Variants in PARD3B observed in about 807,000 individuals in gnomAD.
The protein encoded by PARD3B is partitioning defective 3 homolog B.
In PARD3B, 103 loss-of-function variants were observed where a neutral mutation model predicts 130.2. The ratio of observed to expected loss-of-function variants is 0.79; its 90% confidence interval spans 0.67 to 0.93. The LOEUF is 0.93. Ranked by LOEUF, PARD3B falls within the 40% of genes least tolerant of loss-of-function variation. The pLI, the probability that PARD3B is intolerant of heterozygous loss-of-function variation, is 0.00. For synonymous variants in PARD3B, 583 were observed against 553.2 expected, an observed-to-expected ratio of 1.05 and a Z score of -0.76; for missense variants, 1,609 against 1,499.2, an observed-to-expected ratio of 1.07 and a Z score of -1.21.
intron 15 of PARD3B, among the ~76,000 whole-genome samples, chr2:205,231,585 C>G (rs2038841813): frequency 6.6e-6 from 1 of 151,722 alleles, no homozygotes; most frequent in African/African-American, 2.4e-5. Context: ...GATCCACCTA[C>G]CTTGGCCTCC....
intron 15 of PARD3B, among the ~76,000 whole-genome samples, chr2:205,226,399 A>C (rs982395326): frequency 6.6e-6 from 1 of 152,160 alleles, no homozygotes; most frequent in Non-Finnish European, 1.5e-5. Flanking sequence ...GGTTGCTTGT[A>C]CTTGTGGAGT....
At chr2:205,554,516 A>ATATT (rs1395700592) in intron 22 of PARD3B, among the ~76,000 whole-genome samples, 1 of 152,220 alleles carries the variant, frequency 6.6e-6, no homozygotes, top group East Asian at 1.9e-4. Context: ...TTATAAAGTT[A>ATATT]TATTTTATTT....
At chr2:205,500,883 T>C (rs1249078824) in intron 21 of PARD3B, among the ~76,000 whole-genome samples, 1 of 152,198 alleles carries the variant, frequency 6.6e-6, no homozygotes, top group Non-Finnish European at 1.5e-5. Context: ...TCTAATGATT[T>C]CTGCCTTCTA....
chr2:205,126,752 CAAAAAAAAAAAAAAAAA>C lies in PARD3B; in HGVS notation c.1434+1034_1434+1050del, dbSNP rs4045004. ...TGGGCGACAGAGCGAGACTCCGTCTCAAAAAAAAAAAAAAAAAAAAAAAAAAAAAAAAAAATTGATAA... is the reference window on the plus strand; with the variant it reads ...TGGGCGACAGAGCGAGACTCCGTCTCAAAAAAAAAAAAAAAAAATTGATAA... On this transcript the variant is annotated intron_variant, in intron 10 of 22. Coordinates refer to ENST00000406610, the MANE Select transcript of PARD3B (RefSeq NM_001302769.2). Among the ~76,000 whole-genome samples the C allele has an allele frequency of 3.9e-4, 29 of 74,458 alleles. No individual in the cohort carries two copies. The South Asian group carries it at 5.9e-3, about 15-fold the overall frequency. 48.8% of individuals were successfully genotyped at this position (74,458 alleles called of 152,430 possible).
chr2:204,766,873 C>T (rs1437080244), intron 2 of PARD3B, among the ~76,000 whole-genome samples: 1 of 149,206 alleles, frequency 6.7e-6, no homozygotes, highest in African/African-American at 2.5e-5. Flanking sequence ...AAAATATTAT[C>T]CAGATTCGGT....
intron 3 of PARD3B, among the ~76,000 whole-genome samples, chr2:204,976,603 ATTTTT>A (rs35902126): frequency 3.6e-5 from 3 of 83,200 alleles, no homozygotes; most frequent in Admixed American, 1.5e-4. Context: ...TAGGTAATTG[ATTTTT>A]TTTTTTTTTT....
intron 1 of PARD3B, among the ~76,000 whole-genome samples, chr2:204,584,170 C>T (rs1259415154): frequency 6.6e-6 from 1 of 152,136 alleles, no homozygotes; most frequent in Non-Finnish European, 1.5e-5. Flanking sequence ...ATTCAAATAA[C>T]TGAAAGGAGA....
chr2:205,213,304 C>T (rs2037743314), intron 15 of PARD3B, among the ~76,000 whole-genome samples: 1 of 152,008 alleles, frequency 6.6e-6, no homozygotes, highest in African/African-American at 2.4e-5. Flanking sequence ...AATTGAGATA[C>T]TATATCTTAG....
intron 2 of PARD3B, among the ~76,000 whole-genome samples, chr2:204,789,874 T>TCTTC (rs370867253): frequency 2.9e-5 from 4 of 135,668 alleles, no homozygotes; most frequent in South Asian, 4.5e-4. Flanking sequence ...GTTTTCTTCT[T>TCTTC]TTTTTTTTTT....
intron 1 of PARD3B, among the ~76,000 whole-genome samples, chr2:204,592,295 C>T (rs1327256968): frequency 6.6e-6 from 1 of 152,220 alleles, no homozygotes; most frequent in Non-Finnish European, 1.5e-5. Flanking sequence ...CTACAGTAGT[C>T]TTATGACCTA....
intron 3 of PARD3B, among the ~76,000 whole-genome samples, chr2:204,985,596 G>A (rs529148110): frequency 5.9e-5 from 9 of 152,246 alleles, no homozygotes; most frequent in East Asian, 1.9e-4. Flanking sequence ...TACTGAAACC[G>A]AACTGAGCAT....
At chr2:205,259,858 G>C (rs1041420479) in intron 16 of PARD3B, among the ~76,000 whole-genome samples, 2 of 152,086 alleles carry the variant, frequency 1.3e-5, no homozygotes, top group African/African-American at 4.8e-5. Context: ...TGGAATATTT[G>C]CATATACATA....
intron 2 of PARD3B, among the ~76,000 whole-genome samples, chr2:204,741,155 G>C (rs562684290): frequency 6.6e-6 from 1 of 152,252 alleles, no homozygotes; most frequent in Non-Finnish European, 1.5e-5. Flanking sequence ...TGAACTGTTA[G>C]AATTTTGTAG....
rs547944109 is a variant in PARD3B, at chr2:204,813,711, A to G, written c.222+127429A>G. On this transcript the variant is annotated intron_variant, in intron 2 of 22. Transcript: ENST00000406610. ...CTATAAAGAGTGAGACATGAGTTCA[A>G]GTTTATTTTTTTTACATGGATATTC... Among the ~76,000 whole-genome samples, 76 of 152,038 alleles carry G rather than the reference A, an allele frequency of 5.0e-4. 1 individual carries two copies. The highest frequency in any genetic ancestry group is 9.3e-4 in the Non-Finnish European group (63 of 67,954).
intron 16 of PARD3B, among the ~76,000 whole-genome samples, chr2:205,278,901 C>G (rs543173474): frequency 6.6e-6 from 1 of 151,680 alleles, no homozygotes; most frequent in South Asian, 2.1e-4. Flanking sequence ...TAAACCCTGT[C>G]TCTACAAAAA....
intron 2 of PARD3B, among the ~76,000 whole-genome samples, chr2:204,710,623 C>T (rs1246012878): frequency 6.6e-6 from 1 of 152,152 alleles, no homozygotes; most frequent in Non-Finnish European, 1.5e-5. Flanking sequence ...CCCTGGTTCT[C>T]CCTTTTCTCC....
At chr2:205,108,172 CT>C (rs368780692) in intron 5 of PARD3B, among the ~76,000 whole-genome samples, 62 of 152,310 alleles carry the variant, frequency 4.1e-4, no homozygotes, top group African/African-American at 1.4e-3. Context: ...GCCTCTGTTA[CT>C]CTATTAGTTT....
chr2:204,666,084 G>C (rs1263578738), intron 1 of PARD3B, among the ~76,000 whole-genome samples: 1 of 152,150 alleles, frequency 6.6e-6, no homozygotes, highest in East Asian at 1.9e-4. Context: ...ACTGCCTGTG[G>C]AGCCCAGGCA....
At chr2:204,763,013 G>A (rs1451656898) in intron 2 of PARD3B, among the ~76,000 whole-genome samples, 2 of 152,080 alleles carry the variant, frequency 1.3e-5, no homozygotes, top group Non-Finnish European at 2.9e-5. Context: ...GCCCACCTCG[G>A]CCTCCCAAAG....
Sources: gnomAD v4.1 joint callset for allele counts (sites outside exome capture counted in the v4.1 genomes callset) on GRCh38, gnomAD v4.1.1 for gene constraint, MANE v1.5 for transcripts, NCBI Gene and HGNC (gene_info 2026-07-23, HGNC 2026-07-21) for gene names.